SAMMSON: variants seen among roughly 807,000 people sequenced by gnomAD.
SAMMSON encodes the protein long intergenic non-protein coding RNA 1212.
intron 6 of SAMMSON, among the ~76,000 whole-genome samples, chr3:70,262,679 T>A (rs1701877900): frequency 6.6e-6 from 1 of 152,204 alleles, no homozygotes; most frequent in Non-Finnish European, 1.5e-5. Flanking sequence ...ATAACAGGGT[T>A]GGCGCATGCA....
rs369942493 is a variant in SAMMSON, at chr3:70,201,024, CTT to C, written n.508-48073_508-48072del. Among the ~76,000 whole-genome samples, 11 of 147,466 alleles carry C rather than the reference CTT, an allele frequency of 7.5e-5. No individual in the cohort carries two copies. In the Admixed American group the frequency reaches 7.5e-4, roughly 10 times the overall value. Reference sequence around the variant, plus strand: ...TATATTTAGAACCTTTGTTTTGTAACTTTTTTTTTTTACTTATTTAAATTCTT... The same window carrying C: ...TATATTTAGAACCTTTGTTTTGTAACTTTTTTTTTACTTATTTAAATTCTT... On this transcript the variant is annotated intron_variant and non_coding_transcript_variant, in intron 4 of 9. Coordinates refer to ENST00000642114, the Ensembl canonical transcript of SAMMSON.
chr3:70,281,897 C>G (rs930180402), intron 6 of SAMMSON, among the ~76,000 whole-genome samples: 1 of 152,136 alleles, frequency 6.6e-6, no homozygotes, highest in African/African-American at 2.4e-5. Flanking sequence ...CCCATGAAAT[C>G]TTCAGTTTTA....
chr3:70,260,723 C>T (rs1701858337), intron 6 of SAMMSON, among the ~76,000 whole-genome samples: 1 of 152,034 alleles, frequency 6.6e-6, no homozygotes, highest in Non-Finnish European at 1.5e-5. Context: ...ACTTATCCCT[C>T]CCCTTTCACT....
At chr3:70,354,986 C>T (rs114670691) in intron 8 of SAMMSON, among the ~76,000 whole-genome samples, 3,059 of 152,086 alleles carry the variant, frequency 0.02, 103 homozygotes, top group African/African-American at 0.07. Context: ...TCAGATTTAC[C>T]ACGACTCAGC....
At chr3:70,099,188 A>G (rs556579212) in intron 4 of SAMMSON, among the ~76,000 whole-genome samples, 9 of 152,306 alleles carry the variant, frequency 5.9e-5, no homozygotes, top group East Asian at 5.8e-4. Context: ...TTGCACATGT[A>G]TATTTACACA....
intron 4 of SAMMSON, among the ~76,000 whole-genome samples, chr3:70,180,032 GCA>G (rs60799719): frequency 1.5e-4 from 22 of 149,274 alleles, no homozygotes; most frequent in South Asian, 4.3e-4. Context: ...GTGTGTGCGC[GCA>G]CGTGTGTGTG....
chr3:70,190,491 C>A (rs772311663), intron 4 of SAMMSON, among the ~76,000 whole-genome samples: 8 of 152,198 alleles, frequency 5.3e-5, no homozygotes, highest in Non-Finnish European at 1.2e-4. Context: ...CTAGGTCTTA[C>A]CTGAAGTTGG....
At chr3:70,427,639 G>A (rs1269379082) in intron 2 of SAMMSON, among the ~76,000 whole-genome samples, 3 of 151,880 alleles carry the variant, frequency 2.0e-5, no homozygotes, top group Non-Finnish European at 4.4e-5. Flanking sequence ...TTGGGAGGCT[G>A]AGGCAGGAGA....
Position 70,367,624 on chromosome 3 carries a change from T to A in SAMMSON, n.913+9300T>A, listed in dbSNP as rs138618513. Among the ~76,000 whole-genome samples the A allele has an allele frequency of 2.0e-5, 3 of 151,858 alleles. No individual in the cohort carries two copies. The East Asian group carries it at 5.8e-4, about 29-fold the overall frequency. The stretch of plus-strand genomic sequence containing the variant: ...ACTACATTTTCTTTATTCATTCATC[T>A]GTTGATGAACATTTAGGTGGATTCC... On this transcript the variant is annotated intron_variant and non_coding_transcript_variant, in intron 9 of 9. Transcript: ENST00000642114.
intron 6 of SAMMSON, chr3:70,271,680 GA>G: frequency 6.6e-6 from 1 of 152,310 alleles, no homozygotes; most frequent in Admixed American, 6.5e-5. Flanking sequence ...GGGCACAGCA[GA>G]GCCTTGAATC....
intron 4 of SAMMSON, among the ~76,000 whole-genome samples, chr3:70,160,749 T>C (rs960160644): frequency 6.6e-6 from 1 of 152,072 alleles, no homozygotes; most frequent in Non-Finnish European, 1.5e-5. Context: ...TGATGAAAAT[T>C]TGAAAAGTAC....
rs546471999 is a variant in SAMMSON at position 70,115,599 on chromosome 3, C to G, written n.507+44034C>G. Among the ~76,000 whole-genome samples, 3 of 152,176 alleles carry G rather than the reference C, an allele frequency of 2.0e-5. No homozygotes were observed. In the East Asian group the frequency reaches 5.8e-4, roughly 29 times the overall value. ...CTTTCTTTTGTTTTGTCATTAAAAT[C>G]TTTGTCATTGTAATAAACTCAAAGT... On this transcript the variant is annotated intron_variant and non_coding_transcript_variant, in intron 4 of 9. Coordinates refer to ENST00000642114, the Ensembl canonical transcript of SAMMSON.
intron 8 of SAMMSON, among the ~76,000 whole-genome samples, chr3:70,356,313 C>A (rs1483347578): frequency 1.3e-5 from 2 of 152,012 alleles, no homozygotes; most frequent in Non-Finnish European, 2.9e-5. Context: ...CAATGACAAC[C>A]ATTAAGATTT....
chr3:70,290,561 G>C (rs1193763241), intron 6 of SAMMSON, among the ~76,000 whole-genome samples: 1 of 152,232 alleles, frequency 6.6e-6, no homozygotes, highest in Non-Finnish European at 1.5e-5. Flanking sequence ...AGGCAGGCAG[G>C]CCTCCTTGAG....
intron 6 of SAMMSON, among the ~76,000 whole-genome samples, chr3:70,276,549 C>T (rs1702028508): frequency 1.3e-5 from 2 of 152,116 alleles, no homozygotes; most frequent in African/African-American, 4.8e-5. Flanking sequence ...AAATATTTAT[C>T]ACATATGCAA....
intron 2 of SAMMSON, among the ~76,000 whole-genome samples, chr3:70,403,537 C>A (rs953233048): frequency 1.3e-5 from 2 of 152,198 alleles, no homozygotes; most frequent in African/African-American, 4.8e-5. Context: ...CAGTCTCAAT[C>A]TGCGTTGCGA....
At chr3:70,368,021 C>G (rs1055221901) in intron 9 of SAMMSON, among the ~76,000 whole-genome samples, 2 of 150,456 alleles carry the variant, frequency 1.3e-5, no homozygotes, top group Non-Finnish European at 3.0e-5. Flanking sequence ...AGTCTTCTAT[C>G]AGATATGTTT....
chr3:70,271,102 G>A lies in SAMMSON; in HGVS notation n.675-20077G>A, dbSNP rs559523482. On this transcript the variant is annotated intron_variant and non_coding_transcript_variant, in intron 6 of 9. Coordinates refer to ENST00000642114, the Ensembl canonical transcript of SAMMSON. ...ATCATAGGCCATTTATCGAAGCTGG[G>A]AAGTTGTATATACTAAATTGGTGCA... is the stretch of plus-strand genomic sequence containing the variant. Among the ~76,000 whole-genome samples, 3 of 152,268 alleles carry A rather than the reference G, an allele frequency of 2.0e-5. 1 individual carries two copies. The South Asian group carries it at 6.2e-4, about 32-fold the overall frequency.
intron 4 of SAMMSON, among the ~76,000 whole-genome samples, chr3:70,213,926 T>C (rs7432941): frequency 0.42 from 64,206 of 151,898 alleles, 14,637 homozygotes; most frequent in Non-Finnish European, 0.51. Flanking sequence ...GAGGAAGATT[T>C]CTTGACATTG....
Sources: allele counts gnomAD v4.1 joint callset (sites outside exome capture counted in the v4.1 genomes callset), GRCh38; gene constraint gnomAD v4.1.1; transcripts MANE v1.5; gene names NCBI Gene and HGNC (gene_info 2026-07-23, HGNC 2026-07-21).